Variants in C4orf50 observed in about 807,000 individuals in gnomAD.
C4orf50 encodes the protein chromosome 4 open reading frame 50.
In C4orf50, 80 loss-of-function variants were observed where a neutral mutation model predicts 77.2. That is an observed-to-expected ratio of 1.04 (90% CI 0.87 to 1.25). The LOEUF (loss-of-function observed/expected upper bound fraction) is 1.25, where lower values mean the gene tolerates loss of function less well. C4orf50 is among the 50% of genes most tolerant of loss of function. The probability of loss-of-function intolerance (pLI) is 0.00; values close to 1 mark genes in which losing one functional copy is unlikely to be tolerated. For synonymous variants in C4orf50, 532 were observed against 465.3 expected (o/e 1.14, Z -1.84); for missense variants, 1,257 against 1,152.9 (o/e 1.09, Z -1.31).
intron 7 of C4orf50, among the ~76,000 whole-genome samples, chr4:5,928,307 C>G (rs931927665): frequency 4.6e-5 from 7 of 151,914 alleles, no homozygotes; most frequent in Admixed American, 1.3e-4. Flanking sequence ...AAACTGTAAG[C>G]AAAACCTTTC....
chr4:5,990,744 CTCGTCCAAGCACTCCT>C lies in C4orf50; in HGVS notation c.1286_1301del (p.Glu429GlyfsTer15). 3 of 399,122 alleles carry C rather than the reference CTCGTCCAAGCACTCCT, an allele frequency of 7.5e-6. No homozygotes were observed. The highest frequency in any genetic ancestry group is 1.3e-5 in the Non-Finnish European group (3 of 226,122). 24.7% of individuals were successfully genotyped at this position (399,122 alleles called of 1,614,324 possible). ...AGGCCAGGTCCATGCGGAGGAGTGA[CTCGTCCAAGCACTCCT>C]CTGGTGGGCAGCCACAGACCAGGAG... On this transcript the variant is annotated frameshift_variant, in exon 28 of 34. Coordinates refer to ENST00000531445, the Ensembl canonical transcript of C4orf50. LOFTEE classifies it high-confidence loss of function.
In C4orf50 at chr4:5,959,356, C is replaced by G; in HGVS notation, c.*19G>C. The G allele has an allele frequency of 1.2e-6, 2 of 1,606,684 alleles. No homozygotes were observed. Among genetic ancestry groups the G allele is most frequent in the Non-Finnish European group, 1.7e-6 (2 of 1,174,332 alleles). ...ATTTATGGAGTCTATGAAATGGCTC[C>G]GGAGAATGAGTGGCCCTATTACATT... On this transcript the variant is annotated 3_prime_UTR_variant, in exon 34 of 34. Transcript: ENST00000531445.
chr4:6,004,103 GGTGATGGTGATGATGGTGATA>G (rs1269700909), intron 25 of C4orf50, among the ~76,000 whole-genome samples: 29 of 97,340 alleles, frequency 3.0e-4, no homozygotes, highest in South Asian at 8.3e-4. Flanking sequence ...TGGTGATGAT[GGTGATGGTGATGATGGTGATA>G]GTGATGATGG....
At chr4:5,897,692 CAA>C (rs1403240607) in exon 8 of C4orf50, 1 of 152,314 alleles carries the variant, frequency 6.6e-6, no homozygotes, top group Non-Finnish European at 1.5e-5. Flanking sequence ...ATCTCAGTAA[CAA>C]GAGAAAATGC....
chr4:5,960,525 G>T (rs1004762994), intron 33 of C4orf50, among the ~76,000 whole-genome samples: 1 of 146,068 alleles, frequency 6.8e-6, no homozygotes, highest in Non-Finnish European at 1.5e-5. Flanking sequence ...TGAAAAAGAG[G>T]CTGGACAGCA....
At position 5,992,679 on chromosome 4, in the gene C4orf50, T is replaced by A. The variant is rs1448817758; in HGVS notation, c.1221+124A>T. 2.6e-6 allele frequency: 1 copy of A among 378,774 alleles called. No individual in the cohort carries two copies. The highest frequency in any genetic ancestry group is 4.7e-6 in the Non-Finnish European group (1 of 214,052). 23.5% of individuals were successfully genotyped at this position (378,774 alleles called of 1,614,324 possible). On this transcript the variant is annotated intron_variant, in intron 27 of 33. Coordinates refer to ENST00000531445, the Ensembl canonical transcript of C4orf50. The surrounding 1 kb of genome is among the most constrained non-coding windows in gnomAD (Gnocchi z 5.0). The stretch of plus-strand genomic sequence containing the variant: ...CTCTCTCTCAACTACTTCCAGAATG[T>A]TCTCCCAGACCTGGAGCTTCTTTAC...
chr4:5,986,244 T>C (rs1371858467), intron 28 of C4orf50, among the ~76,000 whole-genome samples: 1 of 152,192 alleles, frequency 6.6e-6, no homozygotes, highest in East Asian at 1.9e-4. Flanking sequence ...GACCACAACC[T>C]GGTCAATAAA....
intron 32 of C4orf50, among the ~76,000 whole-genome samples, chr4:5,966,169 C>T (rs1318351464): frequency 6.6e-6 from 1 of 152,198 alleles, no homozygotes; most frequent in Non-Finnish European, 1.5e-5. Context: ...ATAGGGGCTT[C>T]ATTTTCTTTT....
At chr4:5,961,420 T>C (rs561535888) in intron 33 of C4orf50, among the ~76,000 whole-genome samples, 7 of 152,210 alleles carry the variant, frequency 4.6e-5, no homozygotes, top group Non-Finnish European at 1.0e-4. Flanking sequence ...TAGGATTCAG[T>C]CTACAACAGT....
intron 7 of C4orf50, among the ~76,000 whole-genome samples, chr4:5,920,314 G>A (rs1717205815): frequency 6.6e-6 from 1 of 152,136 alleles, no homozygotes; most frequent in Non-Finnish European, 1.5e-5. Context: ...TGTGAGGAGG[G>A]TATGACAGTC....
rs1722303338 is a variant in C4orf50 at position 6,007,726 on chromosome 4, A to C, written c.963+270T>G. ...TAGGTAGATGGATGGATGATGGGCA[A>C]GTGTGTGCATCTGAGGATGGACAGG... On this transcript the variant is annotated intron_variant, in intron 25 of 33. Coordinates refer to ENST00000531445, the Ensembl canonical transcript of C4orf50. The surrounding 1 kb of genome is among the most constrained non-coding windows in gnomAD (Gnocchi z 4.1). Among the ~76,000 whole-genome samples, 1 of 148,194 alleles carries C rather than the reference A, an allele frequency of 6.7e-6. No individual in the cohort carries two copies. The highest frequency in any genetic ancestry group is 1.5e-5 in the Non-Finnish European group (1 of 67,332).
chr4:5,922,220 C>T (rs183354459), intron 7 of C4orf50, among the ~76,000 whole-genome samples: 13 of 152,346 alleles, frequency 8.5e-5, no homozygotes, highest in Admixed American at 8.5e-4. Context: ...CCGGGGCCCA[C>T]TGCGATGCAC....
intron 32 of C4orf50, among the ~76,000 whole-genome samples, chr4:5,965,943 G>T (rs958190383): frequency 1.3e-5 from 2 of 152,136 alleles, no homozygotes; most frequent in Non-Finnish European, 2.9e-5. Context: ...ATAGCAGCTT[G>T]GTCTTAAAGG....
chr4:5,904,599 T>A (rs919572464), intron 7 of C4orf50: 6 of 152,146 alleles, frequency 3.9e-5, no homozygotes, highest in African/African-American at 1.4e-4. Flanking sequence ...CGCCAGCAAG[T>A]TGGAGGCAGA....
At chr4:5,944,622 C>A (rs1487768602) in intron 7 of C4orf50, among the ~76,000 whole-genome samples, 1 of 152,116 alleles carries the variant, frequency 6.6e-6, no homozygotes, top group Admixed American at 6.5e-5. Flanking sequence ...AGCAGCACCC[C>A]CCACGCCTGG....
chr4:5,959,305 C>G, exon 34 of C4orf50: 2 of 1,513,306 alleles, frequency 1.3e-6, no homozygotes. Flanking sequence ...TTTCTTAAAG[C>G]ACTCTCTGAA....
intron 7 of C4orf50, among the ~76,000 whole-genome samples, chr4:5,909,207 C>G (rs1716684416): frequency 6.6e-6 from 1 of 152,162 alleles, no homozygotes; most frequent in Admixed American, 6.5e-5. Context: ...GAAATTCAAA[C>G]CCTTCTACGT....
intron 7 of C4orf50, among the ~76,000 whole-genome samples, chr4:5,940,799 GCT>G (rs1383219239): frequency 6.6e-6 from 1 of 152,200 alleles, no homozygotes; most frequent in African/African-American, 2.4e-5. Flanking sequence ...TGAAGCTCCT[GCT>G]CTCTCTTTTG....
Position 5,932,809 on chromosome 4 carries a change from T to C in C4orf50, c.*2474+24092A>G, listed in dbSNP as rs527737051. On this transcript the variant is annotated intron_variant, in intron 7 of 7. Coordinates refer to the C4orf50 transcript ENST00000324058. The surrounding 1 kb of genome is among the most constrained non-coding windows in gnomAD (Gnocchi z 4.2). Reference sequence around the variant, plus strand: ...TCAGCAGAAATAGAAGGCATCTTTTTTGAACTTCAGTTTCCTTCTGCACAG... The same window carrying C: ...TCAGCAGAAATAGAAGGCATCTTTTCTGAACTTCAGTTTCCTTCTGCACAG... 6.6e-6 allele frequency among the ~76,000 whole-genome samples: 1 copy of C among 152,282 alleles called. No individual in the cohort carries two copies. Among genetic ancestry groups the C allele is most frequent in the Admixed American group, 6.5e-5 (1 of 15,302 alleles).
Sources: allele counts gnomAD v4.1 joint callset (sites outside exome capture counted in the v4.1 genomes callset), GRCh38; gene constraint gnomAD v4.1.1; non-coding constraint Gnocchi (gnomAD v3.1); transcripts MANE v1.5; gene names NCBI Gene and HGNC (gene_info 2026-07-23, HGNC 2026-07-21).